RNF212B: variants seen among roughly 807,000 people sequenced by gnomAD.
RNF212B encodes ring finger protein 212B.
RNF212B carries 52 observed loss-of-function variants against 55.5 expected under a neutral mutation model. That is an observed-to-expected ratio of 0.94 (90% CI 0.75 to 1.18). The LOEUF (loss-of-function observed/expected upper bound fraction) is 1.18, where lower values mean the gene tolerates loss of function less well. Ranked by LOEUF, RNF212B falls within the 50% of genes most tolerant of loss-of-function variation. The pLI, the probability that RNF212B is intolerant of heterozygous loss-of-function variation, is 0.00. For missense variants in RNF212B, 289 were observed against 350.4 expected (o/e 0.82, Z 1.40); for synonymous variants, 99 against 121.4 (o/e 0.82, Z 1.21).
chr14:23,233,352 C>T (rs1882855138), upstream of RNF212B, among the ~76,000 whole-genome samples: 1 of 151,650 alleles, frequency 6.6e-6, no homozygotes, highest in Non-Finnish European at 1.5e-5. Flanking sequence ...CCACTATTGT[C>T]CTATGACCCT....
Position 23,263,313 on chromosome 14 carries a change from G to C in RNF212B, c.524+343G>C, listed in dbSNP as rs188579728. Among the ~76,000 whole-genome samples, 5 of 152,302 alleles carry C rather than the reference G, an allele frequency of 3.3e-5. No homozygotes were observed. In the East Asian group the frequency reaches 9.6e-4, roughly 29 times the overall value. On this transcript the variant is annotated intron_variant, in intron 9 of 14. Coordinates refer to ENST00000430154, the MANE Select transcript of RNF212B (RefSeq NM_001282322.3). Reference sequence around the variant, plus strand: ...AGTGAGGGTTGACATTTCACATTTAGCATATTGTTTAACAACTTTTCACAA... The same window carrying C: ...AGTGAGGGTTGACATTTCACATTTACCATATTGTTTAACAACTTTTCACAA...
chr14:23,250,410 G>A (rs1042168707), intron 4 of RNF212B, among the ~76,000 whole-genome samples: 4 of 151,144 alleles, frequency 2.6e-5, no homozygotes, highest in Admixed American at 2.6e-4. Context: ...TTGAACCTGG[G>A]AGGCAGAGGT....
At chr14:23,213,300 A>G (rs6573049) in intron 2 of RNF212B, among the ~76,000 whole-genome samples, 12,921 of 151,396 alleles carry the variant, frequency 0.085, 1,428 homozygotes, top group African/African-American at 0.26. Context: ...GCGACAGAGT[A>G]AGACTCCGTC....
At chr14:23,251,573 T>C (rs192882372) in intron 4 of RNF212B, among the ~76,000 whole-genome samples, 1 of 152,266 alleles carries the variant, frequency 6.6e-6, no homozygotes, top group East Asian at 1.9e-4. Flanking sequence ...CCCAGCACTT[T>C]GGGAGGCTGA....
chr14:23,262,883 TAC>T (rs1566438766), intron 8 of RNF212B, 43 bp from the exon 9 acceptor site: 8 of 1,538,268 alleles, frequency 5.2e-6, no homozygotes, highest in Non-Finnish European at 7.0e-6. Context: ...AAGGCAGGCA[TAC>T]CATTGATGGC....
chr14:23,241,708 G>A (rs1883582015), intron 2 of RNF212B, among the ~76,000 whole-genome samples: 2 of 151,948 alleles, frequency 1.3e-5, no homozygotes, highest in Non-Finnish European at 2.9e-5. Context: ...ACAGGTGTAA[G>A]CCATTTTTTT....
At chr14:23,213,936 C>A (rs1050493838) in intron 2 of RNF212B, among the ~76,000 whole-genome samples, 1 of 152,094 alleles carries the variant, frequency 6.6e-6, no homozygotes. Flanking sequence ...TAGATGTTAG[C>A]CTTATCTAAC....
chr14:23,236,150 ATG>A (rs1374632730), upstream of RNF212B, among the ~76,000 whole-genome samples: 6 of 152,366 alleles, frequency 3.9e-5, no homozygotes, highest in African/African-American at 1.4e-4. Flanking sequence ...GATTACAAAA[ATG>A]TAAAAACGAT....
chr14:23,204,647 CAGTT>C (rs1879657322), intron 2 of RNF212B, among the ~76,000 whole-genome samples: 1 of 152,134 alleles, frequency 6.6e-6, no homozygotes, highest in Non-Finnish European at 1.5e-5. Context: ...AGTTTGAAAT[CAGTT>C]AGTGTGATAC....
At chr14:23,185,608 C>T (rs1389585503) in intron 1 of RNF212B, 1 of 71,278 alleles carries the variant, frequency 1.4e-5, no homozygotes, top group Non-Finnish European at 4.5e-5. Context: ...AAACTGATAA[C>T]GATATGGTAA....
chr14:23,232,595 T>TG (rs1300491887), intron 2 of RNF212B, among the ~76,000 whole-genome samples: 2 of 143,240 alleles, frequency 1.4e-5, no homozygotes, highest in East Asian at 2.1e-4. Flanking sequence ...GGGAGGGAGT[T>TG]GGGGGGTCAG....
At chr14:23,198,663 ACT>A (rs1344621601) in intron 2 of RNF212B, among the ~76,000 whole-genome samples, 5 of 70,630 alleles carry the variant, frequency 7.1e-5, no homozygotes, top group Admixed American at 5.8e-4. Context: ...GAACAAGAAA[ACT>A]CTGTCCAAAA....
chr14:23,208,744 G>T (rs1465279027), intron 2 of RNF212B, among the ~76,000 whole-genome samples: 2 of 143,628 alleles, frequency 1.4e-5, no homozygotes, highest in Non-Finnish European at 3.0e-5. Flanking sequence ...AGTCCCAAGG[G>T]CTGCTGGTTG....
At chr14:23,232,735 GT>G (rs1295165541) in intron 2 of RNF212B, among the ~76,000 whole-genome samples, 1 of 148,406 alleles carries the variant, frequency 6.7e-6, no homozygotes, top group African/African-American at 2.5e-5. Context: ...CGGGAGGGAG[GT>G]GGGGGGGTCA....
intron 11 of RNF212B, among the ~76,000 whole-genome samples, chr14:23,267,719 T>C (rs1052380680): frequency 1.3e-5 from 2 of 152,210 alleles, no homozygotes; most frequent in Non-Finnish European, 2.9e-5. Context: ...CATGAGCCAC[T>C]GTGCCTGGCC....
intron 2 of RNF212B, among the ~76,000 whole-genome samples, chr14:23,219,512 C>T (rs1290095162): frequency 3.3e-5 from 5 of 151,340 alleles, no homozygotes; most frequent in East Asian, 1.9e-4. Context: ...CACTCTGTCG[C>T]GCAGACTGGA....
intron 13 of RNF212B, 32 bp downstream of exon 13, chr14:23,269,992 G>A (rs1885961289): frequency 8.7e-7 from 1 of 1,150,710 alleles, no homozygotes; most frequent in Non-Finnish European, 1.3e-6. Flanking sequence ...AAGGAATGGA[G>A]CTTCAACTAT....
Position 23,231,744 on chromosome 14 carries a change from A to G in RNF212B, c.-1-8601A>G, listed in dbSNP as rs530022658. Among the ~76,000 whole-genome samples, 681 of 147,686 alleles carry G rather than the reference A, an allele frequency of 4.6e-3. 3 individuals are homozygous for G. Among genetic ancestry groups the G allele is most frequent in the African/African-American group, 0.015 (628 of 40,696 alleles). On this transcript the variant is annotated intron_variant, in intron 2 of 15. Transcript: ENST00000399910. Reference sequence around the variant, plus strand: ...CGGCTCACTGCAACCTCCCTGCCTGATTCTCCTGCCTCAGCCTGCCCAGTG... The same window carrying G: ...CGGCTCACTGCAACCTCCCTGCCTGGTTCTCCTGCCTCAGCCTGCCCAGTG...
At chr14:23,217,257 G>GGGA (rs928169856) in intron 2 of RNF212B, among the ~76,000 whole-genome samples, 1 of 20,826 alleles carries the variant, frequency 4.8e-5, no homozygotes, top group African/African-American at 1.4e-4. Flanking sequence ...GGCAGTGGTG[G>GGGA]GGGGGGGGCT....
Sources: gnomAD v4.1 joint callset for allele counts (sites outside exome capture counted in the v4.1 genomes callset) on GRCh38, gnomAD v4.1.1 for gene constraint, MANE v1.5 for transcripts, NCBI Gene and HGNC (gene_info 2026-07-23, HGNC 2026-07-21) for gene names.